The following TULP4 variants were observed in gnomAD, a reference collection of about 807,000 sequenced individuals.
The protein encoded by TULP4 is TUB like protein 4.
TULP4 carries 16 observed loss-of-function variants against 129.0 expected under a neutral mutation model. The observed-to-expected ratio is 0.12, with a 90% confidence interval of 0.08 to 0.19. The LOEUF (loss-of-function observed/expected upper bound fraction) is 0.19. Among genes scored for constraint, TULP4 ranks in the 10% least tolerant of loss-of-function variants. The pLI is 1.00. For synonymous variants in TULP4, 998 were observed against 854.0 expected (o/e 1.17, Z -2.94); for missense variants, 1,842 against 2,059.1 (o/e 0.89, Z 2.04).
At chr6:158,274,931 CT>C (rs1160875282) in intron 1 of TULP4, among the ~76,000 whole-genome samples, 1 of 152,252 alleles carries the variant, frequency 6.6e-6, no homozygotes, top group Non-Finnish European at 1.5e-5. Context: ...TCTTTCCTGC[CT>C]CTTGTTAGCC....
chr6:158,357,595 G>A (rs1419028720), intron 1 of TULP4, among the ~76,000 whole-genome samples: 3 of 152,174 alleles, frequency 2.0e-5, no homozygotes, highest in Non-Finnish European at 2.9e-5. Flanking sequence ...TTTACTGGCT[G>A]GTGAAGCTAT....
chr6:158,416,920 A>G lies in TULP4; in HGVS notation c.381+3727A>G, dbSNP rs9456299. On this transcript the variant is annotated intron_variant, in intron 2 of 13. Coordinates refer to ENST00000367097, the MANE Select transcript of TULP4 (RefSeq NM_020245.5). ...ACTTGCCATTGTATTACAGTTGCCT[A>G]CAGTGTTCAACACAATCACATGTGT... 2.4e-3 allele frequency among the ~76,000 whole-genome samples: 373 copies of G among 152,330 alleles called. 5 individuals are homozygous for G. Among genetic ancestry groups the G allele is most frequent in the African/African-American group, 8.7e-3 (363 of 41,572 alleles).
chr6:158,449,127 G>A lies in TULP4; in HGVS notation c.675G>A (p.Glu225=), dbSNP rs1263522856. Residue 225 remains glutamate, a synonymous_variant, in exon 4 of 14, where the codon GAG becomes GAA. Transcript: ENST00000367097. ...GGAACTACCCGATCTTCCTGGTGGA[G>A]GACAGCAGCGAGAGCGACACGGACT... is the stretch of plus-strand genomic sequence containing the variant. ...MSWNYPIFLV[E]DSSESDTDSD... 6 of 1,613,938 alleles carry A rather than the reference G, an allele frequency of 3.7e-6. No homozygotes were observed. The highest frequency in any genetic ancestry group is 5.1e-6 in the Non-Finnish European group (6 of 1,180,018).
intron 3 of TULP4, among the ~76,000 whole-genome samples, chr6:158,435,748 A>G (rs1399452646): frequency 6.6e-6 from 1 of 152,060 alleles, no homozygotes; most frequent in East Asian, 1.9e-4. Context: ...AACTCCGGAT[A>G]GACGTAGACG....
chr6:158,240,909 AT>A (rs2128445588), intron 1 of TULP4, among the ~76,000 whole-genome samples: 1 of 149,018 alleles, frequency 6.7e-6, no homozygotes, highest in East Asian at 2.1e-4. Flanking sequence ...CACTTCCCAG[AT>A]CGGGTGGCTG....
intron 1 of TULP4, among the ~76,000 whole-genome samples, chr6:158,286,609 T>C (rs1349912414): frequency 3.3e-5 from 5 of 152,254 alleles, no homozygotes; most frequent in East Asian, 3.8e-4. Flanking sequence ...TATGATGATA[T>C]CACTTAAACA....
chr6:158,502,244 G>T lies in TULP4; in HGVS notation c.2581G>T (p.Val861Leu), dbSNP rs1780467921. Reference protein sequence around the residue: ...PPPLPPPQPPVDVCLKKGDFS... With the variant: ...PPPLPPPQPPLDVCLKKGDFS... ...CCCTCTGCCGCCCCCACAGCCCCCA[G>T]TGGATGTGTGCTTGAAGAAGGGCGA... is the stretch of plus-strand genomic sequence containing the variant. The change falls in exon 13 of 14, where the codon GTG (valine) becomes TTG (leucine). Residue 861 changes from valine (V) to leucine (L), a missense_variant. By Grantham distance (32) the Val-to-Leu change is conservative (BLOSUM62 1). Transcript: ENST00000367097. 1.2e-6 allele frequency: 1 copy of T among 825,788 alleles called. No individual in the cohort carries two copies. Among genetic ancestry groups the T allele is most frequent in the Admixed American group, 2.4e-5 (1 of 42,228 alleles). The allele number at this position is 825,788 out of a possible 1,614,324, so 51.2% of individuals were successfully genotyped here. A position where few individuals can be genotyped will look rare whatever the true frequency, so the allele number is the denominator to read the frequency against.
chr6:158,490,751 A>G (rs149821793), intron 9 of TULP4, among the ~76,000 whole-genome samples: 241 of 151,138 alleles, frequency 1.6e-3, no homozygotes, highest in African/African-American at 5.4e-3. Context: ...TAAACTTCAT[A>G]TGATATGTCA....
intron 1 of TULP4, among the ~76,000 whole-genome samples, chr6:158,409,975 C>T (rs1199071412): frequency 4.6e-5 from 7 of 152,230 alleles, no homozygotes; most frequent in African/African-American, 1.7e-4. Context: ...CCTGCCTCAG[C>T]CTCCCGAGTA....
chr6:158,498,536 G>A (rs1305978824), intron 11 of TULP4, 133 bp from the exon 12 acceptor site: 1 of 1,093,500 alleles, frequency 9.1e-7, no homozygotes, highest in Admixed American at 2.1e-5. Flanking sequence ...CTCAGCCTCT[G>A]GGCCCTGCCT....
chr6:158,498,187 ATT>A lies in TULP4; in HGVS notation c.1871-481_1871-480del, dbSNP rs373942635. Among the ~76,000 whole-genome samples the A allele has an allele frequency of 2.0e-4, 30 of 152,304 alleles. No homozygotes were observed. The East Asian group carries it at 4.2e-3, about 22-fold the overall frequency. On this transcript the variant is annotated intron_variant, in intron 11 of 13. Transcript: ENST00000367097. ...CCAGCCGAAATGAAGGCTATGTTTT[ATT>A]CCTACATGAAACCATGCCACCCCCA...
At chr6:158,371,058 C>T (rs146820004) in intron 1 of TULP4, among the ~76,000 whole-genome samples, 169 of 152,320 alleles carry the variant, frequency 1.1e-3, no homozygotes, top group African/African-American at 3.5e-3. Flanking sequence ...CTGATGACCT[C>T]GCCTAAGCTT....
At chr6:158,354,923 C>T (rs1205967775) in intron 1 of TULP4, among the ~76,000 whole-genome samples, 1 of 149,872 alleles carries the variant, frequency 6.7e-6, no homozygotes, top group African/African-American at 2.5e-5. Flanking sequence ...CCTCAAGATG[C>T]TCATTTGCTC....
At chr6:158,397,755 T>TA (rs907469411) in intron 1 of TULP4, 2 of 152,254 alleles carry the variant, frequency 1.3e-5, no homozygotes, top group African/African-American at 4.8e-5. Context: ...GAAGCATGAT[T>TA]AAAAAATAAG....
intron 8 of TULP4, among the ~76,000 whole-genome samples, chr6:158,482,434 C>CT (rs2128251248): frequency 6.6e-6 from 1 of 152,268 alleles, no homozygotes; most frequent in South Asian, 2.1e-4. Flanking sequence ...TTTTTTCTGT[C>CT]TTTTGACTCG....
intron 3 of TULP4, among the ~76,000 whole-genome samples, chr6:158,432,798 G>C (rs1314167427): frequency 1.3e-5 from 2 of 152,214 alleles, no homozygotes; most frequent in Non-Finnish European, 2.9e-5. Flanking sequence ...CAGAAAAGTT[G>C]AGAAAATAAA....
intron 5 of TULP4, among the ~76,000 whole-genome samples, chr6:158,459,565 G>A (rs944298738): frequency 1.2e-4 from 18 of 152,086 alleles, no homozygotes; most frequent in African/African-American, 1.7e-4. Flanking sequence ...AGCAGTTTCC[G>A]AAAGCATCAT....
chr6:158,236,654 C>G (rs916317752), intron 1 of TULP4, among the ~76,000 whole-genome samples: 2 of 151,982 alleles, frequency 1.3e-5, no homozygotes, highest in African/African-American at 4.8e-5. Flanking sequence ...TCTTCAGACT[C>G]TAGCTGAAAT....
At chr6:158,259,883 G>A (rs1189832887) in intron 1 of TULP4, among the ~76,000 whole-genome samples, 1 of 152,128 alleles carries the variant, frequency 6.6e-6, no homozygotes, top group East Asian at 1.9e-4. Context: ...CATAGGGCAA[G>A]ACCTGGGAGG....
Sources: allele counts gnomAD v4.1 joint callset (sites outside exome capture counted in the v4.1 genomes callset), GRCh38; gene constraint gnomAD v4.1.1; transcripts MANE v1.5; gene names NCBI Gene and HGNC (gene_info 2026-07-23, HGNC 2026-07-21).